The following KCNQ1 variants were observed in gnomAD, a reference collection of about 807,000 sequenced individuals.
KCNQ1 encodes potassium voltage-gated channel subfamily KQT member 1.
In KCNQ1, 49 loss-of-function variants were observed where a neutral mutation model predicts 72.4. The ratio of observed to expected loss-of-function variants is 0.68; its 90% CI spans 0.54 to 0.86. The LOEUF (loss-of-function observed/expected upper bound fraction) is 0.86. Among genes scored for constraint, KCNQ1 ranks in the 40% least tolerant of loss-of-function variants. The pLI, the probability that KCNQ1 is intolerant of heterozygous loss-of-function variation, is 0.00. For synonymous variants in KCNQ1, 450 were observed against 412.6 expected (o/e 1.09, Z -1.10); for missense variants, 790 against 945.1 (o/e 0.84, Z 2.15).
rs183632533 is a variant in KCNQ1 at position 2,767,100 on chromosome 11, G to A, written c.1515-1744G>A. ...GAAAAATCACTTGAACCCGGGAGGC[G>A]GAGGCTGCAGTGAGCCGAGGTTGTG... On this transcript the variant is annotated intron_variant, in intron 11 of 15. Transcript: ENST00000155840. This position sits in a 1 kb window ranked among gnomAD's most constrained non-coding sequence, Gnocchi z 4.6. Among the ~76,000 whole-genome samples the A allele has an allele frequency of 4.6e-5, 7 of 152,312 alleles. No homozygotes were observed. Among genetic ancestry groups the A allele is most frequent in the South Asian group, 4.1e-4 (2 of 4,826 alleles).
At chr11:2,660,622 A>G (rs1198023515) in intron 10 of KCNQ1, 1 of 398,544 alleles carries the variant, frequency 2.5e-6, no homozygotes, top group African/African-American at 2.1e-5. Flanking sequence ...AGCCCATAAA[A>G]GGTATTCAAC....
intron 10 of KCNQ1, chr11:2,660,237 T>A (rs568343753): frequency 2.5e-6 from 1 of 398,398 alleles, no homozygotes; most frequent in East Asian, 3.6e-5. Context: ...TTTCATTTTC[T>A]AATTGTTGAT....
intron 11 of KCNQ1, among the ~76,000 whole-genome samples, chr11:2,733,853 CT>C (rs1845905215): frequency 2.0e-5 from 1 of 50,798 alleles, no homozygotes; most frequent in Non-Finnish European, 3.9e-5. Flanking sequence ...CTCTCTCTCT[CT>C]CTCCCCCCCC....
chr11:2,661,444 G>A lies in KCNQ1; in HGVS notation c.1394-517G>A, dbSNP rs1435343147. The A allele has an allele frequency of 1.1e-5, 5 of 437,518 alleles. No homozygotes were observed. The highest frequency in any genetic ancestry group is 3.3e-5 in the East Asian group (1 of 30,428). The allele number at this position is 437,518 out of a possible 1,614,324, so 27.1% of individuals were successfully genotyped here. A position where few individuals can be genotyped will look rare whatever the true frequency, so the allele number is the denominator to read the frequency against. ...GGGTACAACTGGTTGATGTAGCATC[G>A]TGTTTTGAGGAAGGAGTTCTGTGGC... On this transcript the variant is annotated intron_variant, in intron 10 of 15. Coordinates refer to ENST00000155840, the MANE Select transcript of KCNQ1 (RefSeq NM_000218.3). The surrounding 1 kb of genome is among the most constrained non-coding windows in gnomAD (Gnocchi z 5.9).
chr11:2,641,091 C>T, intron 10 of KCNQ1: 1 of 398,402 alleles, frequency 2.5e-6, no homozygotes, highest in Non-Finnish European at 4.4e-6. Flanking sequence ...TTCCTGAGTC[C>T]ATATCTTTGC....
chr11:2,506,903 C>T (rs1847114176), intron 1 of KCNQ1, among the ~76,000 whole-genome samples: 1 of 152,202 alleles, frequency 6.6e-6, no homozygotes, highest in Non-Finnish European at 1.5e-5. Context: ...TTTCCAACTT[C>T]TTCCATTGGG....
At chr11:2,804,411 C>A (rs145766880) in intron 15 of KCNQ1, among the ~76,000 whole-genome samples, 19 of 152,320 alleles carry the variant, frequency 1.2e-4, no homozygotes, top group African/African-American at 3.6e-4. Flanking sequence ...TGAACTAGAA[C>A]CCCGCCGCCC....
chr11:2,551,669 AC>A (rs900346765), intron 2 of KCNQ1, among the ~76,000 whole-genome samples: 1 of 152,206 alleles, frequency 6.6e-6, no homozygotes, highest in African/African-American at 2.4e-5. Context: ...TTTCGAAGAA[AC>A]TGCCAAAGCA....
rs1385116527 is a variant in KCNQ1 at position 2,547,497 on chromosome 11, G to T, written c.477+19479G>T. 1.3e-5 allele frequency among the ~76,000 whole-genome samples: 2 copies of T among 152,164 alleles called. No individual in the cohort carries two copies. Among genetic ancestry groups the T allele is most frequent in the Admixed American group, 6.5e-5 (1 of 15,280 alleles). On this transcript the variant is annotated intron_variant, in intron 2 of 15. Coordinates refer to ENST00000155840, the MANE Select transcript of KCNQ1 (RefSeq NM_000218.3). This position sits in a 1 kb window ranked among gnomAD's most constrained non-coding sequence, Gnocchi z 4.2. ...CATCTGCCCGCCTCAGCCTCCCAAA[G>T]TGCTGGGATCACAGGCATGAGCCAC...
In KCNQ1 at chr11:2,769,762, G is replaced by A. The variant is rs752000253; in HGVS notation, c.1590+843G>A. 4.7e-4 allele frequency among the ~76,000 whole-genome samples: 71 copies of A among 152,154 alleles called. No individual in the cohort carries two copies. Among genetic ancestry groups the A allele is most frequent in the Non-Finnish European group, 8.8e-4 (60 of 68,006 alleles). On this transcript the variant is annotated intron_variant, in intron 12 of 15. Transcript: ENST00000155840. The surrounding 1 kb of genome is among the most constrained non-coding windows in gnomAD (Gnocchi z 4.6). ...TTGCCTGAGTCCCTTGGAGCGGGGGGCGTGTGACGTGCTTGAGTGAGTGCG... is the reference window on the plus strand; with the variant it reads ...TTGCCTGAGTCCCTTGGAGCGGGGGACGTGTGACGTGCTTGAGTGAGTGCG...
At position 2,482,245 on chromosome 11, in the gene KCNQ1, A is replaced by G. The variant is rs929397066; in HGVS notation, c.386+36761A>G. Among the ~76,000 whole-genome samples the G allele has an allele frequency of 2.0e-5, 3 of 152,102 alleles. No homozygotes were observed. Among genetic ancestry groups the G allele is most frequent in the African/African-American group, 7.2e-5 (3 of 41,416 alleles). ...ATACTTGCCTATGTGTGTCTGTGCA[A>G]ATACTTGGTAAAATTGAGAGGGTAC... On this transcript the variant is annotated intron_variant, in intron 1 of 15. Coordinates refer to ENST00000155840, the MANE Select transcript of KCNQ1 (RefSeq NM_000218.3). The surrounding 1 kb of genome is among the most constrained non-coding windows in gnomAD (Gnocchi z 5.7).
chr11:2,729,660 G>A (rs1325941067), intron 11 of KCNQ1, among the ~76,000 whole-genome samples: 1 of 152,216 alleles, frequency 6.6e-6, no homozygotes, highest in African/African-American at 2.4e-5. Context: ...CATTTGTGTT[G>A]TTAGGTATCG....
At chr11:2,454,195 T>C (rs1228282668) in intron 1 of KCNQ1, among the ~76,000 whole-genome samples, 1 of 152,062 alleles carries the variant, frequency 6.6e-6, no homozygotes, top group Non-Finnish European at 1.5e-5. Flanking sequence ...AGCCTCCAAA[T>C]CTTAAAAGTT....
intron 1 of KCNQ1, among the ~76,000 whole-genome samples, chr11:2,449,036 C>T (rs964552295): frequency 6.6e-6 from 1 of 152,212 alleles, no homozygotes; most frequent in African/African-American, 2.4e-5. Context: ...GACTTGGGTC[C>T]TTGCAGGTGG....
chr11:2,522,679 A>G (rs1390855716), intron 1 of KCNQ1, among the ~76,000 whole-genome samples: 1 of 152,268 alleles, frequency 6.6e-6, no homozygotes, highest in Non-Finnish European at 1.5e-5. Context: ...TTTAGCCTTC[A>G]GAATATGGCA....
chr11:2,607,027 C>T (rs549231180), intron 10 of KCNQ1, among the ~76,000 whole-genome samples: 68 of 151,500 alleles, frequency 4.5e-4, no homozygotes, highest in Non-Finnish European at 2.7e-4. Context: ...CTCAGCCTCC[C>T]GAGTAGCTGG....
intron 1 of KCNQ1, among the ~76,000 whole-genome samples, chr11:2,489,126 A>G (rs979828169): frequency 2.6e-5 from 4 of 152,206 alleles, no homozygotes; most frequent in African/African-American, 9.7e-5. Flanking sequence ...TTTTAACTTT[A>G]TATTGCTGGA....
chr11:2,574,870 A>G (rs1193796316), intron 6 of KCNQ1, among the ~76,000 whole-genome samples: 1 of 152,200 alleles, frequency 6.6e-6, no homozygotes, highest in Non-Finnish European at 1.5e-5. Context: ...TGTGTCCCCG[A>G]AGGCCCCAGT....
At position 2,670,212 on chromosome 11, in the gene KCNQ1, G is replaced by A. The variant is rs1434021395; in HGVS notation, c.1514+8131G>A. 5.0e-6 allele frequency: 2 copies of A among 398,648 alleles called. No homozygotes were observed. The highest frequency in any genetic ancestry group is 8.8e-6 in the Non-Finnish European group (2 of 226,090). The allele number at this position is 398,648 out of a possible 1,614,324, so 24.7% of individuals were successfully genotyped here. A position where few individuals can be genotyped will look rare whatever the true frequency, so the allele number is the denominator to read the frequency against. ...AGCAGAGTGAAGAGCAGGGCGAGCTGTGTAGCTCACCTGCCTTTGACCCTG... is the reference window on the plus strand; with the variant it reads ...AGCAGAGTGAAGAGCAGGGCGAGCTATGTAGCTCACCTGCCTTTGACCCTG... On this transcript the variant is annotated intron_variant, in intron 11 of 15. Transcript: ENST00000155840. The surrounding 1 kb of genome is among the most constrained non-coding windows in gnomAD (Gnocchi z 4.9).
Sources: allele counts gnomAD v4.1 joint callset (sites outside exome capture counted in the v4.1 genomes callset), GRCh38; gene constraint gnomAD v4.1.1; non-coding constraint Gnocchi (gnomAD v3.1); transcripts MANE v1.5; gene names NCBI Gene and HGNC (gene_info 2026-07-23, HGNC 2026-07-21).